NOL6: variants seen among roughly 807,000 people sequenced by gnomAD.
NOL6 encodes the protein nucleolar RNA-associated protein.
NOL6 carries 33 observed loss-of-function variants against 131.7 expected under a neutral mutation model. The ratio of observed to expected loss-of-function variants is 0.25; its 90% CI spans 0.19 to 0.33. The LOEUF (loss-of-function observed/expected upper bound fraction) is 0.33, where lower values mean the gene tolerates loss of function less well. Among genes scored for constraint, NOL6 ranks in the 10% least tolerant of loss-of-function variants. The pLI is 1.00. For missense variants in NOL6, 1,297 were observed against 1,494.5 expected (o/e 0.87, Z 2.18); for synonymous variants, 580 against 605.7 (o/e 0.96, Z 0.62).
Position 33,470,166 on chromosome 9 carries a change from G to C in NOL6, c.404C>G (p.Ala135Gly), listed in dbSNP as rs1487952396. Residue 135 changes from alanine to glycine, a missense_variant, in exon 4 of 26, where the codon GCT becomes GGT. Transcript: ENST00000297990. ...TTGGTGGAGGGGCACTCGAACCCCA[G>C]CTGGGAGCCATGCCTGGTCAGTGAG... ...TELTDQAWLP[A>G]GVRVPLHQVP... 6.3e-7 allele frequency: 1 copy of C among 1,597,006 alleles called. No individual in the cohort carries two copies. The highest frequency in any genetic ancestry group is 1.7e-5 in the Admixed American group (1 of 59,134).
In NOL6 at chr9:33,462,392, C is replaced by A; in HGVS notation, c.*272G>T. The A allele has an allele frequency of 3.2e-6, 2 of 627,914 alleles. No individual in the cohort carries two copies. The highest frequency in any genetic ancestry group is 1.8e-5 in the South Asian group (1 of 54,878). 38.9% of individuals were successfully genotyped at this position (627,914 alleles called of 1,614,324 possible). ...CAGGGCTAATAGGTGGATGGATCTC[C>A]TGGGTTCAGTTCCTTCTCTGAGCTG... On this transcript the variant is annotated 3_prime_UTR_variant, in exon 26 of 26. Transcript: ENST00000297990.
intron 5 of NOL6, 31 bp downstream of exon 5, chr9:33,469,468 C>G: frequency 6.3e-7 from 1 of 1,593,430 alleles, no homozygotes; most frequent in Non-Finnish European, 8.6e-7. Context: ...CCATCCCATG[C>G]TATGCCCTCA....
At chr9:33,464,218 C>T in intron 21 of NOL6, 57 bp from the exon 22 acceptor site, 1 of 1,546,686 alleles carries the variant, frequency 6.5e-7, no homozygotes. Flanking sequence ...ACACCCTCTA[C>T]TCCCCCAGGT....
In NOL6 at chr9:33,472,463, T is replaced by C. The variant is rs748254133; in HGVS notation, c.55-51A>G. On this transcript the variant is annotated intron_variant, in intron 1 of 25. Coordinates refer to ENST00000297990, the MANE Select transcript of NOL6 (RefSeq NM_022917.5). ...TTTGAGGTAATAGGTATCTAGCATC[T>C]GCTGCCTAAAGTGCCACCATGATAG... The C allele has an allele frequency of 8.8e-6, 13 of 1,479,526 alleles. No individual in the cohort carries two copies. The South Asian group carries it at 1.4e-4, about 16-fold the overall frequency. 91.6% of individuals were successfully genotyped at this position (1,479,526 alleles called of 1,614,324 possible).
In NOL6 at chr9:33,466,895, G is replaced by T; in HGVS notation, c.1950+17C>A. The T allele has an allele frequency of 6.2e-7, 1 of 1,612,096 alleles. No individual in the cohort carries two copies. The highest frequency in any genetic ancestry group is 1.1e-5 in the South Asian group (1 of 90,884). On this transcript the variant is annotated intron_variant, in intron 15 of 25. Coordinates refer to ENST00000297990, the MANE Select transcript of NOL6 (RefSeq NM_022917.5). ...TGATTACTCTACAATCACTAGCCTT[G>T]ACCCCAAGACCCTTACCTCTTTCAG...
chr9:33,466,810 T>C (rs781628690), intron 15 of NOL6, 101 bp from the exon 16 acceptor site: 65 of 1,575,766 alleles, frequency 4.1e-5, no homozygotes, highest in Non-Finnish European at 5.5e-5. Context: ...CACCGCCGCC[T>C]GCTGGACATG....
chr9:33,471,928 C>T (rs940580266), intron 3 of NOL6, 76 bp downstream of exon 3: 25 of 1,039,686 alleles, frequency 2.4e-5, no homozygotes, highest in Non-Finnish European at 3.5e-5. Flanking sequence ...AACAGAGTAA[C>T]AGCAAGGCCC....
intron 4 of NOL6, 95 bp downstream of exon 4, chr9:33,469,916 CT>C (rs1230509381): frequency 6.1e-6 from 8 of 1,319,460 alleles, no homozygotes; most frequent in Non-Finnish European, 8.3e-6. Context: ...AGAATTCTGA[CT>C]TCAATCCCCT....
intron 20 of NOL6, 51 bp downstream of exon 20, chr9:33,465,156 T>C: frequency 1.3e-5 from 20 of 1,556,754 alleles, no homozygotes; most frequent in Non-Finnish European, 1.7e-5. Context: ...CGAAGGATGA[T>C]GGCTGGCCGC....
chr9:33,468,299 C>CA (rs1827306711), intron 10 of NOL6, 22 bp downstream of exon 10: 2 of 1,612,440 alleles, frequency 1.2e-6, no homozygotes, highest in South Asian at 2.2e-5. Context: ...CAGGGGAACA[C>CA]AGATTGGGGG....
Position 33,464,135 on chromosome 9 carries a change from C to A in NOL6, c.2806G>T (p.Gly936Cys). Reference protein sequence around the residue: ...TVEEQVEIRSGFLAARAQLPV... With the variant: ...TVEEQVEIRSCFLAARAQLPV... ...AGCTGTGCCCGAGCTGCCAGGAAGC[C>A]ACTGCGGATCTCCACCTGCTCCTCC... The change falls in exon 22 of 26, where the codon GGC (glycine) becomes TGC (cysteine). Residue 936 changes from glycine (G) to cysteine (C), a missense_variant. Physicochemically the swap from Gly to Cys is radical, Grantham distance 159. Transcript: ENST00000297990. 6.2e-7 allele frequency: 1 copy of A among 1,612,226 alleles called. No individual in the cohort carries two copies.
At chr9:33,465,708 G>A in intron 19 of NOL6, 26 bp downstream of exon 19, 1 of 1,603,686 alleles carries the variant, frequency 6.2e-7, no homozygotes, top group Non-Finnish European at 8.5e-7. Flanking sequence ...CCTACAGACA[G>A]GAAGAAGCTG....
rs531610932 is a variant in NOL6, at chr9:33,468,815, T to C, written c.1084A>G (p.Thr362Ala). Residue 362 changes from threonine to alanine, a missense_variant, in exon 8 of 26, where the codon ACA becomes GCA. By Grantham distance (58) the Thr-to-Ala change is moderately conservative (BLOSUM62 0). Coordinates refer to ENST00000297990, the MANE Select transcript of NOL6 (RefSeq NM_022917.5). ...CTCATGGTGGTATGGATCTTGCGTGTAGACACAAGGAAGACAACCAGCATG... is the reference window on the plus strand; with the variant it reads ...CTCATGGTGGTATGGATCTTGCGTGCAGACACAAGGAAGACAACCAGCATG... ...VSMLVVFLVS[T>A]RKIHTTMSGY... is the part of the protein sequence containing the mutation. 1 of 1,614,056 alleles carries C rather than the reference T, an allele frequency of 6.2e-7. No homozygotes were observed. The highest frequency in any genetic ancestry group is 1.1e-5 in the South Asian group (1 of 91,074).
intron 2 of NOL6, 41 bp from the exon 3 acceptor site, chr9:33,472,161 C>A: frequency 6.2e-7 from 1 of 1,612,626 alleles, no homozygotes; most frequent in South Asian, 1.1e-5. Context: ...GCCTCAGGGT[C>A]CCAGGTACAC....
chr9:33,465,646 T>C, intron 19 of NOL6, 88 bp downstream of exon 19: 6 of 1,402,634 alleles, frequency 4.3e-6, no homozygotes, highest in South Asian at 1.3e-5. Flanking sequence ...TGATACCATC[T>C]GGCCCCTGGA....
At position 33,472,048 on chromosome 9, in the gene NOL6, C is replaced by A. The variant is rs1427561744; in HGVS notation, c.334G>T (p.Val112Phe). 1.2e-6 allele frequency: 2 copies of A among 1,613,108 alleles called. No homozygotes were observed. Among genetic ancestry groups the A allele is most frequent in the Non-Finnish European group, 1.7e-6 (2 of 1,180,028 alleles). The change falls in exon 3 of 26, where the codon GTC becomes TTC. Residue 112 changes from valine (V) to phenylalanine (F), a missense_variant. Val to Phe is a conservative substitution (Grantham distance 50). Coordinates refer to ENST00000297990, the MANE Select transcript of NOL6 (RefSeq NM_022917.5). ...KDRIDAFLRE[V>F]NQRVVRVPSV... ...GGCACCCTCACAACCCGCTGGTTGA[C>A]CTCCCGTAGGAAGGCATCAATCCGA...
rs1016525688 is a variant in NOL6 at position 33,469,212 on chromosome 9, C to G, written c.857G>C (p.Gly286Ala). 6.2e-7 allele frequency: 1 copy of G among 1,614,108 alleles called. No individual in the cohort carries two copies. Among genetic ancestry groups the G allele is most frequent in the Non-Finnish European group, 8.5e-7 (1 of 1,180,046 alleles). ...CAACACCAGGGCCTGCTCACCATCC[C>G]CTGCAGGACTCTGCCCTCGGTACCA... ...SAWYRGQSPA[G>A]DGSPEPPTPR... The change falls in exon 6 of 26, where the codon GGG becomes GCG. Residue 286 changes from glycine to alanine, a missense_variant. Gly to Ala is a moderately conservative substitution (Grantham distance 60, BLOSUM62 0). Transcript: ENST00000297990.
rs1210127585 is a variant in NOL6 at position 33,467,883 on chromosome 9, A to G, written c.1425-15T>C. On this transcript the variant is annotated splice_polypyrimidine_tract_variant and intron_variant, in intron 11 of 25. Coordinates refer to ENST00000297990, the MANE Select transcript of NOL6 (RefSeq NM_022917.5). This position sits in a 1 kb window ranked among gnomAD's most constrained non-coding sequence, Gnocchi z 4.4. ...GTGGACGGAGACTGGAGGGGTACAA[A>G]GGGCCAAAGAGGGGTAATCAGGTTG... 6 of 1,582,128 alleles carry G rather than the reference A, an allele frequency of 3.8e-6. No individual in the cohort carries two copies. In the East Asian group the frequency reaches 1.3e-4, roughly 36 times the overall value.
Position 33,467,620 on chromosome 9 carries a change from T to G in NOL6, c.1602+71A>C. On this transcript the variant is annotated intron_variant, in intron 12 of 25. Transcript: ENST00000297990. The surrounding 1 kb of genome is among the most constrained non-coding windows in gnomAD (Gnocchi z 4.4). Reference sequence around the variant, plus strand: ...AACGCCTAGCTGGAGGAATGGTGTGTCCTTTGTGTCTCTTGGGACCCTGGA... The same window carrying G: ...AACGCCTAGCTGGAGGAATGGTGTGGCCTTTGTGTCTCTTGGGACCCTGGA... 6.4e-7 allele frequency: 1 copy of G among 1,560,826 alleles called. No individual in the cohort carries two copies. The highest frequency in any genetic ancestry group is 8.7e-7 in the Non-Finnish European group (1 of 1,151,862).
Sources: allele counts gnomAD v4.1 joint callset, GRCh38; gene constraint gnomAD v4.1.1; non-coding constraint Gnocchi (gnomAD v3.1); transcripts MANE v1.5; gene names NCBI Gene and HGNC (gene_info 2026-07-23, HGNC 2026-07-21).